Variants in SLC39A11 observed in about 807,000 individuals in gnomAD.
SLC39A11 encodes zinc transporter ZIP11.
In SLC39A11, 33 loss-of-function variants were observed where a neutral mutation model predicts 36.1. That is an observed-to-expected ratio of 0.91 (90% CI 0.69 to 1.22). The LOEUF (loss-of-function observed/expected upper bound fraction) is 1.22. Ranked by LOEUF, SLC39A11 falls within the 50% of genes most tolerant of loss-of-function variation. SLC39A11 has a pLI of 0.00. For synonymous variants in SLC39A11, 166 were observed against 170.3 expected (o/e 0.97, Z 0.20); for missense variants, 432 against 430.3 (o/e 1.00, Z -0.03).
chr17:72,773,181 GA>G (rs2144734083), intron 6 of SLC39A11, among the ~76,000 whole-genome samples: 1 of 152,326 alleles, frequency 6.6e-6, no homozygotes, highest in African/African-American at 2.4e-5. Flanking sequence ...TGACACAAAT[GA>G]ATTGTCCTGA....
chr17:72,904,544 G>C (rs6501578), intron 5 of SLC39A11, among the ~76,000 whole-genome samples: 137,857 of 152,172 alleles, frequency 0.91, 62,685 homozygotes, highest in East Asian at 1. Context: ...TCTGAGGAAT[G>C]TGGTGAAGGG....
intron 5 of SLC39A11, among the ~76,000 whole-genome samples, chr17:72,942,699 A>C (rs891155328): frequency 7.2e-5 from 11 of 152,242 alleles, no homozygotes; most frequent in Non-Finnish European, 1.5e-4. Flanking sequence ...CCGTAGGCTT[A>C]GGCTATTCCA....
intron 5 of SLC39A11, among the ~76,000 whole-genome samples, chr17:72,911,903 C>T (rs1480302816): frequency 1.3e-5 from 2 of 152,142 alleles, no homozygotes; most frequent in African/African-American, 2.4e-5. Flanking sequence ...CTTGGCCTCC[C>T]GAAGTGCTGG....
At chr17:72,734,488 G>A (rs993702258) in intron 7 of SLC39A11, among the ~76,000 whole-genome samples, 1 of 152,182 alleles carries the variant, frequency 6.6e-6, no homozygotes, top group Non-Finnish European at 1.5e-5. Context: ...GTATAGCAGA[G>A]GGTCTCGTGA....
chr17:72,699,870 G>A (rs770070351), intron 7 of SLC39A11, among the ~76,000 whole-genome samples: 1 of 152,200 alleles, frequency 6.6e-6, no homozygotes, highest in East Asian at 1.9e-4. Context: ...CTAGCTTTCG[G>A]GTTTGCTACC....
At chr17:72,657,777 T>C (rs541134239) in intron 7 of SLC39A11, among the ~76,000 whole-genome samples, 2 of 152,340 alleles carry the variant, frequency 1.3e-5, no homozygotes, top group East Asian at 3.9e-4. Context: ...AGGGGATATA[T>C]ACAGAATCCT....
chr17:72,812,075 G>T (rs1405873130), intron 6 of SLC39A11, among the ~76,000 whole-genome samples: 3 of 152,170 alleles, frequency 2.0e-5, no homozygotes, highest in Admixed American at 1.3e-4. Context: ...TAAATAAACT[G>T]TCTTTTTGTC....
chr17:73,013,501 C>G (rs1378935538), intron 4 of SLC39A11, among the ~76,000 whole-genome samples: 1 of 152,224 alleles, frequency 6.6e-6, no homozygotes, highest in Non-Finnish European at 1.5e-5. Context: ...GCAAAAGCAG[C>G]TGCAGGGGAT....
chr17:72,769,449 G>A (rs529404567), intron 6 of SLC39A11, among the ~76,000 whole-genome samples: 3 of 152,280 alleles, frequency 2.0e-5, no homozygotes, highest in African/African-American at 4.8e-5. Flanking sequence ...CCCCCAAATC[G>A]TTAAGGAAAA....
chr17:72,667,608 T>C (rs2070814203), intron 7 of SLC39A11, among the ~76,000 whole-genome samples: 1 of 152,148 alleles, frequency 6.6e-6, no homozygotes, highest in African/African-American at 2.4e-5. Flanking sequence ...ACCTGCTGCT[T>C]TGCATATGCT....
At chr17:72,887,965 C>G (rs912459919) in intron 5 of SLC39A11, among the ~76,000 whole-genome samples, 1 of 152,200 alleles carries the variant, frequency 6.6e-6, no homozygotes, top group African/African-American at 2.4e-5. Context: ...GTGATATTTT[C>G]CCCACTGCTC....
Position 72,994,335 on chromosome 17 carries a change from G to A in SLC39A11, c.306+37221C>T, listed in dbSNP as rs191859417. ...GCAAAATACACAACTAATATATATA[G>A]AATGTTTTCATTTATATACAATTGA... On this transcript the variant is annotated intron_variant, in intron 4 of 9. Transcript: ENST00000255559. Among the ~76,000 whole-genome samples, 511 of 152,170 alleles carry A rather than the reference G, an allele frequency of 3.4e-3. 3 individuals are homozygous for A. Among genetic ancestry groups the A allele is most frequent in the African/African-American group, 0.011 (465 of 41,526 alleles).
intron 5 of SLC39A11, among the ~76,000 whole-genome samples, chr17:72,900,177 GA>G (rs71359747): frequency 7.1e-5 from 10 of 140,244 alleles, no homozygotes; most frequent in African/African-American, 2.8e-4. Flanking sequence ...AAGAAAGAAA[GA>G]AAGAAAGAAA....
intron 4 of SLC39A11, among the ~76,000 whole-genome samples, chr17:72,993,161 A>T (rs2089290904): frequency 6.6e-6 from 1 of 152,206 alleles, no homozygotes; most frequent in Admixed American, 6.5e-5. Context: ...GCCAAACCAT[A>T]TCGGGGGTGC....
intron 6 of SLC39A11, among the ~76,000 whole-genome samples, chr17:72,782,238 A>G (rs1310157571): frequency 6.6e-6 from 1 of 152,142 alleles, no homozygotes; most frequent in Non-Finnish European, 1.5e-5. Flanking sequence ...CAAGAACACC[A>G]AGACTTGCTG....
chr17:73,079,846 C>T (rs1171576588), intron 3 of SLC39A11, among the ~76,000 whole-genome samples: 1 of 152,100 alleles, frequency 6.6e-6, no homozygotes, highest in Non-Finnish European at 1.5e-5. Flanking sequence ...TGCTATACAC[C>T]AACAGCAATA....
chr17:72,913,708 T>C (rs2083160308), intron 5 of SLC39A11, among the ~76,000 whole-genome samples: 2 of 152,092 alleles, frequency 1.3e-5, no homozygotes, highest in African/African-American at 4.8e-5. Context: ...ATGAAGACCC[T>C]CTGTGGCATG....
intron 7 of SLC39A11, among the ~76,000 whole-genome samples, chr17:72,729,433 ATATATATATATATATATATATATATT>A (rs2074095492): frequency 1.3e-3 from 3 of 2,392 alleles, no homozygotes; most frequent in African/African-American, 1.6e-3. Flanking sequence ...ATATATATAT[ATATATATATATATATATATATATATT>A]TTTTTTTTTT....
intron 3 of SLC39A11, among the ~76,000 whole-genome samples, chr17:73,052,627 T>C (rs1347038462): frequency 2.6e-5 from 4 of 152,074 alleles, no homozygotes; most frequent in Non-Finnish European, 1.5e-5. Context: ...GCAGAACACA[T>C]TTATTTAGAA....
Sources: allele counts gnomAD v4.1 joint callset (sites outside exome capture counted in the v4.1 genomes callset), GRCh38; gene constraint gnomAD v4.1.1; transcripts MANE v1.5; gene names NCBI Gene and HGNC (gene_info 2026-07-23, HGNC 2026-07-21).